PCDHA9: variants seen among roughly 807,000 people sequenced by gnomAD.
PCDHA9 encodes the protein protocadherin alpha 9.
PCDHA9 carries 62 observed loss-of-function variants against 62.0 expected under a neutral mutation model. The ratio of observed to expected loss-of-function variants is 1.00; its 90% CI spans 0.81 to 1.23. The LOEUF is 1.23. Ranked by LOEUF, PCDHA9 falls within the 50% of genes most tolerant of loss-of-function variation. The pLI, the probability that PCDHA9 is intolerant of heterozygous loss-of-function variation, is 0.00. For synonymous variants in PCDHA9, 557 were observed against 567.6 expected (o/e 0.98, Z 0.27); for missense variants, 1,205 against 1,249.8 (o/e 0.96, Z 0.54).
At position 140,870,179 on chromosome 5, in the gene PCDHA9, G is replaced by C. The variant is rs184228916; in HGVS notation, c.2394+19290G>C. ...GTGACTTCCTTGTCCCTCCCAGTACGAGAGGACGCTCAGCCCAGCACGGTC... is the reference window on the plus strand; with the variant it reads ...GTGACTTCCTTGTCCCTCCCAGTACCAGAGGACGCTCAGCCCAGCACGGTC... On this transcript the variant is annotated intron_variant, in intron 1 of 3. Transcript: ENST00000532602. 4.9e-4 allele frequency: 783 copies of C among 1,614,104 alleles called. 1 individual carries two copies. In the African/African-American group the frequency reaches 9.2e-3, roughly 19 times the overall value.
chr5:140,871,588 T>C, intron 1 of PCDHA9: 1 of 1,463,366 alleles, frequency 6.8e-7, no homozygotes, highest in Non-Finnish European at 9.1e-7. Context: ...GAAAGTTTTA[T>C]GAATAACCAG....
chr5:140,927,740 G>A (rs782665573), intron 1 of PCDHA9: 5 of 1,614,206 alleles, frequency 3.1e-6, no homozygotes, highest in Middle Eastern at 1.6e-4. Context: ...CTGCGACACC[G>A]CTTTCACGTG....
At chr5:140,852,072 G>A in intron 1 of PCDHA9, 2 of 903,554 alleles carry the variant, frequency 2.2e-6, no homozygotes, top group Non-Finnish European at 2.7e-6. Context: ...TTCTCTTTCA[G>A]CTATTTTATT....
At chr5:140,927,891 GA>G (rs1554205193) in intron 1 of PCDHA9, 1 of 1,614,192 alleles carries the variant, frequency 6.2e-7, no homozygotes, top group Admixed American at 1.7e-5. Context: ...TGACTGACGT[GA>G]ACGATCATGC....
intron 1 of PCDHA9, among the ~76,000 whole-genome samples, chr5:140,874,790 A>C (rs2055107111): frequency 6.6e-6 from 1 of 152,254 alleles, no homozygotes; most frequent in East Asian, 1.9e-4. Context: ...TCTAACTTTC[A>C]TCAGATTTAT....
chr5:140,850,119 G>A lies in PCDHA9; in HGVS notation c.1624G>A (p.Val542Met). The change falls in exon 1 of 4, where the codon GTG becomes ATG. Residue 542 changes from valine (V) to methionine (M), a missense_variant. Physicochemically the swap from Val to Met is conservative, Grantham distance 21 (BLOSUM62 1). Around this residue, in one of 3 missense-constraint regions of PCDHA9, gnomAD observed 887 missense variants for 809.5 expected, o/e 1.10. Transcript: ENST00000532602. Reference sequence around the variant, plus strand: ...CCAGGTGAGCGCGCGCGACGCGGGCGTGCCGCCTCTGGGCAGCAACGTGAC... The same window carrying A: ...CCAGGTGAGCGCGCGCGACGCGGGCATGCCGCCTCTGGGCAGCAACGTGAC... ...QFQVSARDAGVPPLGSNVTLQ... is the reference protein window; with the variant it reads ...QFQVSARDAGMPPLGSNVTLQ... The A allele has an allele frequency of 1.3e-6, 2 of 1,596,076 alleles. No homozygotes were observed. Among genetic ancestry groups the A allele is most frequent in the East Asian group, 2.2e-5 (1 of 44,848 alleles).
chr5:140,969,069 T>G, intron 1 of PCDHA9: 1 of 1,614,160 alleles, frequency 6.2e-7, no homozygotes, highest in Non-Finnish European at 8.5e-7. Flanking sequence ...GATGCCAGGA[T>G]ACCGCATGGC....
chr5:140,892,779 A>G (rs1490865049), intron 1 of PCDHA9, among the ~76,000 whole-genome samples: 1 of 152,192 alleles, frequency 6.6e-6, no homozygotes, highest in Non-Finnish European at 1.5e-5. Flanking sequence ...TAGCTTCTTG[A>G]AAATATGTAA....
Position 140,850,271 on chromosome 5 carries a change from G to T in PCDHA9, c.1776G>T (p.Gly592=), listed in dbSNP as rs2150476864. 1.9e-6 allele frequency: 3 copies of T among 1,595,372 alleles called. No homozygotes were observed. The South Asian group carries it at 3.3e-5, about 18-fold the overall frequency. Residue 592 remains glycine, a synonymous_variant, in exon 1 of 4, where the codon GGG becomes GGT. Coordinates refer to ENST00000532602, the MANE Select transcript of PCDHA9 (RefSeq NM_031857.2). ...LRSVGAGVVV[G]KVRAVDADSG... is the part of the protein sequence containing the mutation. ...CGGTGGGCGCCGGCGTAGTGGTGGG[G>T]AAGGTGCGCGCAGTGGACGCCGACT...
At chr5:140,895,235 C>T (rs1554186440) in intron 1 of PCDHA9, among the ~76,000 whole-genome samples, 2 of 152,236 alleles carry the variant, frequency 1.3e-5, no homozygotes, top group East Asian at 1.9e-4. Context: ...GTTTTCTCAT[C>T]TCTCTTTTCA....
At chr5:140,902,861 G>A (rs782302668) in intron 1 of PCDHA9, among the ~76,000 whole-genome samples, 21 of 152,088 alleles carry the variant, frequency 1.4e-4, no homozygotes, top group Admixed American at 5.2e-4. Context: ...TGGCGTCCAG[G>A]TCCACCCAAG....
intron 1 of PCDHA9, chr5:140,870,461 C>A (rs1554164294): frequency 6.8e-6 from 11 of 1,614,128 alleles, no homozygotes; most frequent in Non-Finnish European, 9.3e-6. Context: ...AATGCGCCTG[C>A]GTTCGCACAG....
rs1318290193 is a variant in PCDHA9, at chr5:140,849,912, C to G, written c.1417C>G (p.His473Asp). ...FVKENNPPGC[H>D]IFTVSARDAD... ...GAAGGAGAACAACCCGCCGGGCTGCCACATCTTCACGGTGTCTGCGCGGGA... is the reference window on the plus strand; with the variant it reads ...GAAGGAGAACAACCCGCCGGGCTGCGACATCTTCACGGTGTCTGCGCGGGA... The change falls in exon 1 of 4, where the codon CAC becomes GAC. Residue 473 changes from histidine to aspartate, a missense_variant. Coordinates refer to ENST00000532602, the MANE Select transcript of PCDHA9 (RefSeq NM_031857.2). 51 of 1,598,266 alleles carry G rather than the reference C, an allele frequency of 3.2e-5. 3 individuals are homozygous for G. The highest frequency in any genetic ancestry group is 4.2e-5 in the Non-Finnish European group (49 of 1,167,792).
At chr5:140,936,512 A>G (rs575884793) in intron 1 of PCDHA9, among the ~76,000 whole-genome samples, 1 of 152,324 alleles carries the variant, frequency 6.6e-6, no homozygotes, top group Non-Finnish European at 1.5e-5. Context: ...TAGATCTTAA[A>G]TTACCTGAAA....
At chr5:140,875,894 C>T in intron 1 of PCDHA9, 1 of 1,614,170 alleles carries the variant, frequency 6.2e-7, no homozygotes, top group Non-Finnish European at 8.5e-7. Context: ...CAAAAGGTAC[C>T]TGTTTCTGAA....
intron 1 of PCDHA9, chr5:140,882,607 T>G (rs1313419888): frequency 6.8e-6 from 11 of 1,614,124 alleles, no homozygotes; most frequent in East Asian, 2.2e-5. Flanking sequence ...TGGACAGGCC[T>G]CTGCAGGTTT....
intron 1 of PCDHA9, chr5:140,927,096 G>A (rs1554204014): frequency 1.2e-6 from 2 of 1,612,778 alleles, no homozygotes; most frequent in Admixed American, 1.7e-5. Context: ...ACTTCGGGGT[G>A]GATCTACCCA....
chr5:140,851,277 A>C (rs1190417685), intron 1 of PCDHA9: 1 of 1,055,236 alleles, frequency 9.5e-7, no homozygotes, highest in East Asian at 4.9e-5. Flanking sequence ...TGTATTGTTT[A>C]TAAGAAACCC....
intron 1 of PCDHA9, chr5:140,857,158 A>G: frequency 6.3e-7 from 1 of 1,598,190 alleles, no homozygotes; most frequent in East Asian, 2.2e-5. Context: ...TCATTGCCCT[A>G]ATCAGCGTTT....
Sources: allele counts gnomAD v4.1 joint callset (sites outside exome capture counted in the v4.1 genomes callset), GRCh38; gene constraint gnomAD v4.1.1; regional missense constraint gnomAD v4.1.1; transcripts MANE v1.5; gene names NCBI Gene and HGNC (gene_info 2026-07-23, HGNC 2026-07-21).